Variants in CAMTA1 observed in about 807,000 individuals in gnomAD.
CAMTA1 encodes the protein calmodulin-binding transcription activator 1.
Under a neutral mutation model 170.9 loss-of-function variants are expected in CAMTA1, and 27 were observed. The ratio of observed to expected loss-of-function variants is 0.16; its 90% CI spans 0.12 to 0.22. CAMTA1 has a LOEUF of 0.22. Ranked by LOEUF, CAMTA1 falls within the 10% of genes least tolerant of loss-of-function variation. CAMTA1 has a pLI of 1.00. For missense variants in CAMTA1, 1,619 were observed against 2,217.2 expected, an observed-to-expected ratio of 0.73 and a Z score of 5.42; for synonymous variants, 833 against 891.5, an observed-to-expected ratio of 0.93 and a Z score of 1.17.
At chr1:7,021,360 C>T (rs911537542) in intron 3 of CAMTA1, among the ~76,000 whole-genome samples, 7 of 152,202 alleles carry the variant, frequency 4.6e-5, no homozygotes, top group Admixed American at 2.0e-4. Flanking sequence ...CCACCAGCCC[C>T]GGGGGAATGC....
At chr1:7,270,222 C>CAT (rs945850518) in intron 5 of CAMTA1, among the ~76,000 whole-genome samples, 3 of 105,074 alleles carry the variant, frequency 2.9e-5, no homozygotes, top group Non-Finnish European at 3.8e-5. Context: ...TACATATATA[C>CAT]ATATATATAC....
At chr1:7,375,357 C>T (rs1040400618) in intron 5 of CAMTA1, among the ~76,000 whole-genome samples, 1 of 152,178 alleles carries the variant, frequency 6.6e-6, no homozygotes, top group African/African-American at 2.4e-5. Flanking sequence ...CCCGAAACCA[C>T]CATTGGCCAC....
At chr1:7,138,738 T>C (rs964301958) in intron 4 of CAMTA1, among the ~76,000 whole-genome samples, 2 of 152,176 alleles carry the variant, frequency 1.3e-5, no homozygotes, top group African/African-American at 4.8e-5. Flanking sequence ...CTCACACCTG[T>C]AATCCCAGCA....
At chr1:7,691,245 G>A (rs1027959095) in intron 11 of CAMTA1, among the ~76,000 whole-genome samples, 2 of 152,190 alleles carry the variant, frequency 1.3e-5, no homozygotes, top group South Asian at 2.1e-4. Context: ...GGAATGGCAC[G>A]CGCAGAAACT....
Position 7,658,695 on chromosome 1 carries a change from T to C in CAMTA1, c.665-3031T>C, listed in dbSNP as rs571712320. 1.9e-4 allele frequency among the ~76,000 whole-genome samples: 29 copies of C among 152,352 alleles called. No individual in the cohort carries two copies. The South Asian group carries it at 5.8e-3, about 30-fold the overall frequency. ...GCCAGAGAGCCTGTGACCCCTCATC[T>C]TGCCTCCACCAGGTCCTTTCTGCAG... On this transcript the variant is annotated intron_variant, in intron 7 of 22. Transcript: ENST00000303635.
At chr1:7,084,653 C>T (rs1412142851) in intron 3 of CAMTA1, among the ~76,000 whole-genome samples, 6 of 152,160 alleles carry the variant, frequency 3.9e-5, no homozygotes, top group South Asian at 2.1e-4. Flanking sequence ...ACATGTGGGA[C>T]GCGGAGGGTG....
chr1:7,173,105 C>T lies in CAMTA1; in HGVS notation c.303-76386C>T, dbSNP rs1242614416. On this transcript the variant is annotated intron_variant, in intron 4 of 22. Coordinates refer to ENST00000303635, the MANE Select transcript of CAMTA1 (RefSeq NM_015215.4). This position sits in a 1 kb window ranked among gnomAD's most constrained non-coding sequence, Gnocchi z 5.4. ...AGAGCAGCCAGACGCTGCGTCCCTC[C>T]TGTCTCTTCAGCTGCGCCTTCCTCA... is the stretch of plus-strand genomic sequence containing the variant. Among the ~76,000 whole-genome samples, 2 of 152,208 alleles carry T rather than the reference C, an allele frequency of 1.3e-5. No homozygotes were observed. Among genetic ancestry groups the T allele is most frequent in the Admixed American group, 6.5e-5 (1 of 15,286 alleles).
chr1:7,072,226 GCT>G (rs1009634180), intron 3 of CAMTA1, among the ~76,000 whole-genome samples: 2 of 152,138 alleles, frequency 1.3e-5, no homozygotes, highest in African/African-American at 4.8e-5. Context: ...CCACATGGGG[GCT>G]TATACCATCT....
intron 10 of CAMTA1, among the ~76,000 whole-genome samples, chr1:7,676,202 G>A (rs2096118930): frequency 6.6e-6 from 1 of 152,246 alleles, no homozygotes; most frequent in African/African-American, 2.4e-5. Flanking sequence ...GCCCAGGGAT[G>A]CCAACAGAGC....
At chr1:7,256,851 G>A (rs963992751) in intron 5 of CAMTA1, among the ~76,000 whole-genome samples, 1 of 152,046 alleles carries the variant, frequency 6.6e-6, no homozygotes, top group African/African-American at 2.4e-5. Flanking sequence ...GGGCATTTTG[G>A]TGTCTGGCGA....
rs369940606 is a variant in CAMTA1 at position 7,010,634 on chromosome 1, A to G, written c.235-80670A>G. On this transcript the variant is annotated intron_variant, in intron 3 of 22. Transcript: ENST00000303635. The surrounding 1 kb of genome is among the most constrained non-coding windows in gnomAD (Gnocchi z 4.4). The stretch of plus-strand genomic sequence containing the variant: ...ACTGAGAGTCCATGAGACACCACAC[A>G]GAAGGCTCATAGCATGGGGCCTGGC... Among the ~76,000 whole-genome samples the G allele has an allele frequency of 6.4e-4, 98 of 152,296 alleles. No individual in the cohort carries two copies. Among genetic ancestry groups the G allele is most frequent in the Admixed American group, 2.1e-3 (32 of 15,298 alleles).
intron 4 of CAMTA1, among the ~76,000 whole-genome samples, chr1:7,231,531 C>A (rs905826784): frequency 6.6e-6 from 1 of 152,104 alleles, no homozygotes; most frequent in African/African-American, 2.4e-5. Flanking sequence ...AACCACCATG[C>A]CTGGCTAATT....
At chr1:7,269,263 G>A (rs1391561895) in intron 5 of CAMTA1, among the ~76,000 whole-genome samples, 1 of 152,276 alleles carries the variant, frequency 6.6e-6, no homozygotes, top group Non-Finnish European at 1.5e-5. Flanking sequence ...CTTGACAGAT[G>A]TTGGATCAAG....
chr1:6,815,659 T>C (rs1334992967), intron 1 of CAMTA1, among the ~76,000 whole-genome samples: 1 of 152,258 alleles, frequency 6.6e-6, no homozygotes, highest in African/African-American at 2.4e-5. Flanking sequence ...AGTGGAATTA[T>C]GCTGTTGAGG....
chr1:6,798,614 G>T lies in CAMTA1; in HGVS notation c.45+13039G>T, dbSNP rs1450529372. 1.2e-3 allele frequency among the ~76,000 whole-genome samples: 113 copies of T among 92,374 alleles called. 4 individuals are homozygous for T. Among genetic ancestry groups the T allele is most frequent in the Admixed American group, 0.01 (108 of 10,550 alleles). 60.6% of individuals were successfully genotyped at this position (92,374 alleles called of 152,430 possible). A position where few individuals can be genotyped will look rare whatever the true frequency, so the allele number is the denominator to read the frequency against. On this transcript the variant is annotated intron_variant, in intron 1 of 22. Transcript: ENST00000303635. ...TTTTTTTTTTTTTTTTTTTGAGACG[G>T]AGTCTCGCTCTGTCGCCCAGGCCGG... is the stretch of plus-strand genomic sequence containing the variant.
At chr1:7,489,046 C>G (rs1264116335) in intron 6 of CAMTA1, among the ~76,000 whole-genome samples, 1 of 152,230 alleles carries the variant, frequency 6.6e-6, no homozygotes, top group Non-Finnish European at 1.5e-5. Flanking sequence ...CACAGAGCCT[C>G]TGGGTAAATC....
intron 5 of CAMTA1, among the ~76,000 whole-genome samples, chr1:7,408,003 C>A (rs1481346223): frequency 6.6e-6 from 1 of 152,174 alleles, no homozygotes; most frequent in Non-Finnish European, 1.5e-5. Flanking sequence ...AAGCAGAGAG[C>A]TGGCCAAAGA....
At chr1:7,372,688 G>C (rs1331565333) in intron 5 of CAMTA1, among the ~76,000 whole-genome samples, 1 of 152,210 alleles carries the variant, frequency 6.6e-6, no homozygotes, top group East Asian at 1.9e-4. Flanking sequence ...TTTGTGTGTA[G>C]GAGCTAATTT....
intron 3 of CAMTA1, among the ~76,000 whole-genome samples, chr1:6,931,161 G>T (rs1684345677): frequency 6.6e-6 from 1 of 152,240 alleles, no homozygotes; most frequent in African/African-American, 2.4e-5. Context: ...AAGCAAGAGG[G>T]TGTGGGCTGG....
Sources: gnomAD v4.1 joint callset for allele counts (sites outside exome capture counted in the v4.1 genomes callset) on GRCh38, gnomAD v4.1.1 for gene constraint, Gnocchi (gnomAD v3.1) non-coding constraint, MANE v1.5 for transcripts, NCBI Gene and HGNC (gene_info 2026-07-23, HGNC 2026-07-21) for gene names.